ANK1: variants seen among roughly 807,000 people sequenced by gnomAD.
The protein encoded by ANK1 is ankyrin 1.
In ANK1, 51 loss-of-function variants were observed where a neutral mutation model predicts 210.4. The observed-to-expected ratio is 0.24, with a 90% confidence interval of 0.19 to 0.31. The LOEUF is 0.31. ANK1 is among the 10% of genes least tolerant of loss of function. The pLI is 1.00. For synonymous variants in ANK1, 967 were observed against 1,025.9 expected (o/e 0.94, Z 1.10); for missense variants, 2,051 against 2,504.4 (o/e 0.82, Z 3.86).
chr8:41,676,280 C>A (rs1258594574), intron 37 of ANK1, among the ~76,000 whole-genome samples: 1 of 152,186 alleles, frequency 6.6e-6, no homozygotes, highest in Non-Finnish European at 1.5e-5. Flanking sequence ...TTTAACCATT[C>A]TTTTAGGTAT....
At chr8:41,672,190 T>C (rs866359065) in intron 38 of ANK1, among the ~76,000 whole-genome samples, 164 bp downstream of exon 38, 11 of 152,320 alleles carry the variant, frequency 7.2e-5, no homozygotes, top group African/African-American at 2.6e-4. Context: ...ATGGCACCTA[T>C]GCTCTTATAT....
At chr8:41,775,401 T>G (rs1296294041) in intron 1 of ANK1, among the ~76,000 whole-genome samples, 1 of 152,212 alleles carries the variant, frequency 6.6e-6, no homozygotes, top group Non-Finnish European at 1.5e-5. Flanking sequence ...TCTGTGCCCC[T>G]GGAGTTTGTC....
chr8:41,754,220 G>A (rs1375387247), intron 2 of ANK1, among the ~76,000 whole-genome samples: 1 of 152,218 alleles, frequency 6.6e-6, no homozygotes, highest in East Asian at 1.9e-4. Context: ...TGCACAGGAA[G>A]TACATTAGAC....
Position 41,704,594 on chromosome 8 carries a change from A to G in ANK1, c.2098-122T>C. ...GGGAGCCCCTTGAAGGCTGACATTG[A>G]CAAGCTGAATGGCTGCTGCTGGGCA... On this transcript the variant is annotated intron_variant, in intron 18 of 42. Coordinates refer to ENST00000289734, the MANE Select transcript of ANK1 (RefSeq NM_000037.4). This position sits in a 1 kb window ranked among gnomAD's most constrained non-coding sequence, Gnocchi z 4.1. 1.2e-6 allele frequency: 1 copy of G among 852,816 alleles called. No individual in the cohort carries two copies. Among genetic ancestry groups the G allele is most frequent in the Non-Finnish European group, 2.0e-6 (1 of 511,968 alleles). 52.8% of individuals were successfully genotyped at this position (852,816 alleles called of 1,614,324 possible). A position where few individuals can be genotyped will look rare whatever the true frequency, so the allele number is the denominator to read the frequency against.
At chr8:41,744,592 A>G (rs945723182) in intron 2 of ANK1, among the ~76,000 whole-genome samples, 119 of 143,598 alleles carry the variant, frequency 8.3e-4, no homozygotes, top group African/African-American at 3.1e-3. Context: ...GCTGGAGTGC[A>G]GTGGTGCAAT....
chr8:41,761,643 C>A (rs1318184501), intron 1 of ANK1, among the ~76,000 whole-genome samples: 1 of 152,148 alleles, frequency 6.6e-6, no homozygotes, highest in Non-Finnish European at 1.5e-5. Context: ...GTTACAGCAA[C>A]CATGGGAAAC....
intron 2 of ANK1, among the ~76,000 whole-genome samples, chr8:41,738,617 G>A (rs1030254318): frequency 6.6e-6 from 1 of 152,138 alleles, no homozygotes; most frequent in African/African-American, 2.4e-5. Context: ...GGAGGAGGAG[G>A]ACTGCAAATT....
At chr8:41,867,768 T>C (rs1814753984) in intron 1 of ANK1, among the ~76,000 whole-genome samples, 1 of 152,194 alleles carries the variant, frequency 6.6e-6, no homozygotes, top group South Asian at 2.1e-4. Flanking sequence ...GTGTTCCTCA[T>C]CTCTGTATCC....
At chr8:41,736,459 G>T (rs1268227045) in intron 2 of ANK1, among the ~76,000 whole-genome samples, 1 of 152,210 alleles carries the variant, frequency 6.6e-6, no homozygotes, top group Non-Finnish European at 1.5e-5. Flanking sequence ...GCTTCCTAGT[G>T]CTGACAGCGG....
intron 1 of ANK1, among the ~76,000 whole-genome samples, chr8:41,825,409 G>T (rs1298027345): frequency 6.6e-6 from 1 of 152,174 alleles, no homozygotes; most frequent in African/African-American, 2.4e-5. Flanking sequence ...TGGCCTTGGG[G>T]TCACACTTTC....
chr8:41,861,022 T>C (rs1813170357), intron 1 of ANK1, among the ~76,000 whole-genome samples: 1 of 152,148 alleles, frequency 6.6e-6, no homozygotes, highest in Admixed American at 6.5e-5. Context: ...GTGATCAAAA[T>C]GCTAGCAAGG....
intron 1 of ANK1, among the ~76,000 whole-genome samples, chr8:41,769,408 C>T (rs991752035): frequency 2.6e-5 from 4 of 152,136 alleles, no homozygotes; most frequent in Non-Finnish European, 5.9e-5. Context: ...CAGAGAACTC[C>T]AATTAATAAA....
intron 1 of ANK1, among the ~76,000 whole-genome samples, chr8:41,782,146 G>A (rs746709724): frequency 2.4e-4 from 36 of 152,280 alleles, no homozygotes; most frequent in Admixed American, 6.5e-4. Flanking sequence ...ACTTGGGCCC[G>A]GGGCCCTTTA....
chr8:41,820,968 A>G (rs902369600), intron 1 of ANK1, among the ~76,000 whole-genome samples: 2 of 152,244 alleles, frequency 1.3e-5, no homozygotes, highest in Non-Finnish European at 2.9e-5. Context: ...TCCCTTGGGC[A>G]ATAAAAGTTG....
intron 3 of ANK1, among the ~76,000 whole-genome samples, chr8:41,732,337 A>G (rs946152624): frequency 6.6e-6 from 1 of 152,210 alleles, no homozygotes; most frequent in Non-Finnish European, 1.5e-5. Flanking sequence ...AAAGGAACAG[A>G]GGAGGGAAGA....
chr8:41,751,098 C>T (rs941440169), intron 2 of ANK1, among the ~76,000 whole-genome samples: 1 of 152,130 alleles, frequency 6.6e-6, no homozygotes, highest in Non-Finnish European at 1.5e-5. Context: ...TTGGTTGACT[C>T]ATCAATGTGT....
chr8:41,895,288 C>T (rs1375739963), intron 1 of ANK1, among the ~76,000 whole-genome samples: 5 of 152,200 alleles, frequency 3.3e-5, no homozygotes, highest in African/African-American at 1.2e-4. Flanking sequence ...AGGCTGGGCC[C>T]CACATCGACT....
rs114303148 is a variant in ANK1, at chr8:41,669,188, T to C, written c.5097-624A>G. The stretch of plus-strand genomic sequence containing the variant: ...TTCCTAAGCAAGCTCATTCATCCCA[T>C]GGTTCCAAAGCCCATCTCTACACTC... On this transcript the variant is annotated intron_variant, in intron 38 of 42. Coordinates refer to ENST00000289734, the MANE Select transcript of ANK1 (RefSeq NM_000037.4). Among the ~76,000 whole-genome samples, 771 of 151,922 alleles carry C rather than the reference T, an allele frequency of 5.1e-3. 3 individuals are homozygous for C. Among genetic ancestry groups the C allele is most frequent in the African/African-American group, 0.016 (672 of 41,436 alleles).
rs1317291175 is a variant in ANK1, at chr8:41,735,948, GGT to G, written c.130-1881_130-1880del. On this transcript the variant is annotated intron_variant, in intron 2 of 42. Coordinates refer to ENST00000289734, the MANE Select transcript of ANK1 (RefSeq NM_000037.4). ...CTATCAGCACAGCCAGCCTTGCCAGGGTGTGTGTGTAGGGAGAGGGGGTGGTT... is the reference window on the plus strand; with the variant it reads ...CTATCAGCACAGCCAGCCTTGCCAGGGTGTGTGTAGGGAGAGGGGGTGGTT... 4.4e-4 allele frequency among the ~76,000 whole-genome samples: 26 copies of G among 58,654 alleles called. No individual in the cohort carries two copies. In the Admixed American group the frequency reaches 5.7e-3, roughly 13 times the overall value. The allele number at this position is 58,654 out of a possible 152,430, so 38.5% of individuals were successfully genotyped here.
Sources: gnomAD v4.1 joint callset for allele counts (sites outside exome capture counted in the v4.1 genomes callset) on GRCh38, gnomAD v4.1.1 for gene constraint, Gnocchi (gnomAD v3.1) non-coding constraint, MANE v1.5 for transcripts, NCBI Gene and HGNC (gene_info 2026-07-23, HGNC 2026-07-21) for gene names.